Variants in LIMD1 observed in about 807,000 individuals in gnomAD.
LIMD1 encodes the protein LIM domain containing 1, also known as LIM domain-containing protein 1.
LIMD1 carries 23 observed loss-of-function variants against 58.4 expected under a neutral mutation model. The observed-to-expected ratio is 0.39, with a 90% confidence interval of 0.28 to 0.56. The LOEUF is 0.56. Among genes scored for constraint, LIMD1 ranks in the 20% least tolerant of loss-of-function variants. The pLI is 0.57. For missense variants in LIMD1, 838 were observed against 855.5 expected (o/e 0.98, Z 0.25); for synonymous variants, 334 against 345.5 (o/e 0.97, Z 0.37).
At position 45,640,611 on chromosome 3, in the gene LIMD1, G is replaced by A. The variant is rs146094853; in HGVS notation, c.1510+4360G>A. Among the ~76,000 whole-genome samples the A allele has an allele frequency of 8.5e-5, 13 of 152,160 alleles. No homozygotes were observed. The East Asian group carries it at 2.1e-3, about 25-fold the overall frequency. On this transcript the variant is annotated intron_variant, in intron 2 of 7. Coordinates refer to ENST00000273317, the MANE Select transcript of LIMD1 (RefSeq NM_014240.3). ...GGCCCGGCTAATTTTTGTATTTTTC[G>A]TAGAGACAGGGTTTCACCATGTTGG...
chr3:45,620,420 A>G (rs1448088008), intron 1 of LIMD1, among the ~76,000 whole-genome samples: 1 of 152,226 alleles, frequency 6.6e-6, no homozygotes, highest in Non-Finnish European at 1.5e-5. Flanking sequence ...TTCCATTAGT[A>G]AAATGTAGAA....
chr3:45,664,532 A>G (rs569136409), intron 2 of LIMD1, among the ~76,000 whole-genome samples: 48 of 152,354 alleles, frequency 3.2e-4, no homozygotes, highest in African/African-American at 1.1e-3. Context: ...CATTCAGACA[A>G]CACTAGATCT....
intron 2 of LIMD1, among the ~76,000 whole-genome samples, chr3:45,642,705 TG>T (rs1457144522): frequency 2.0e-5 from 3 of 152,248 alleles, no homozygotes; most frequent in Non-Finnish European, 4.4e-5. Context: ...CCACAGTTAA[TG>T]GCTGGTTTGC....
chr3:45,684,547 AGAGG>A lies in LIMD1; in HGVS notation c.*7493_*7496del, dbSNP rs1697785850. 1 of 152,248 alleles carries A rather than the reference AGAGG, an allele frequency of 6.6e-6. No homozygotes were observed. The highest frequency in any genetic ancestry group is 2.4e-5 in the African/African-American group (1 of 41,468). 9.4% of individuals were successfully genotyped at this position (152,248 alleles called of 1,614,324 possible). ...AAAAAAGAGAACAGCTCCCCCATGC[AGAGG>A]GAGGAGGACTCCGAATGGATCTCCC... On this transcript the variant is annotated 3_prime_UTR_variant, in exon 8 of 8. Transcript: ENST00000273317.
intron 1 of LIMD1, among the ~76,000 whole-genome samples, chr3:45,634,522 T>G (rs1701767511): frequency 6.6e-6 from 1 of 152,246 alleles, no homozygotes; most frequent in Admixed American, 6.5e-5. Flanking sequence ...GGCAGTAACA[T>G]GATTGTCATC....
At chr3:45,665,739 C>G (rs1697507246) in intron 3 of LIMD1, 22 bp downstream of exon 3, 6 of 1,610,086 alleles carry the variant, frequency 3.7e-6, no homozygotes, top group Non-Finnish European at 5.1e-6. Context: ...ACCGAAGCCT[C>G]CCCTTGCATG....
chr3:45,617,400 G>A (rs1701586142), intron 1 of LIMD1, among the ~76,000 whole-genome samples: 2 of 152,072 alleles, frequency 1.3e-5, no homozygotes, highest in Admixed American at 1.3e-4. Context: ...GGCCCTGATG[G>A]TTTGCCCTGC....
chr3:45,618,783 C>T (rs781771706), intron 1 of LIMD1, among the ~76,000 whole-genome samples: 8 of 152,068 alleles, frequency 5.3e-5, no homozygotes, highest in Non-Finnish European at 1.2e-4. Flanking sequence ...GTGCTTATAC[C>T]AAAACCCACT....
Position 45,685,282 on chromosome 3 carries a change from G to A in LIMD1, c.*8223G>A, listed in dbSNP as rs1697797273. On this transcript the variant is annotated 3_prime_UTR_variant, in exon 8 of 8. Transcript: ENST00000273317. ...GCCTTTAAAAACCCCAGAAGAATGG[G>A]GTTTCTGCCAGATTATTTTCTGGTT... The A allele has an allele frequency of 6.6e-6, 1 of 152,098 alleles. No individual in the cohort carries two copies. Among genetic ancestry groups the A allele is most frequent in the Non-Finnish European group, 1.5e-5 (1 of 68,028 alleles). 9.4% of individuals were successfully genotyped at this position (152,098 alleles called of 1,614,324 possible). A position where few individuals can be genotyped will look rare whatever the true frequency, so the allele number is the denominator to read the frequency against.
At chr3:45,648,278 A>G (rs1344802730) in intron 2 of LIMD1, among the ~76,000 whole-genome samples, 1 of 152,060 alleles carries the variant, frequency 6.6e-6, no homozygotes, top group Non-Finnish European at 1.5e-5. Context: ...CTAAGCAACC[A>G]CTGATCTTCC....
At chr3:45,660,200 G>T (rs914991149) in intron 2 of LIMD1, among the ~76,000 whole-genome samples, 78 of 152,130 alleles carry the variant, frequency 5.1e-4, no homozygotes, top group Non-Finnish European at 6.5e-4. Context: ...TTTCCTGGTG[G>T]CCTCCTAGCT....
intron 1 of LIMD1, among the ~76,000 whole-genome samples, chr3:45,624,722 C>T (rs1421920030): frequency 1.3e-5 from 2 of 151,552 alleles, no homozygotes; most frequent in Non-Finnish European, 2.9e-5. Flanking sequence ...GACTCCGCCT[C>T]AAAAACAAAA....
intron 2 of LIMD1, among the ~76,000 whole-genome samples, chr3:45,641,027 C>T (rs1701836060): frequency 6.6e-6 from 1 of 152,132 alleles, no homozygotes; most frequent in Admixed American, 6.5e-5. Flanking sequence ...CTGCCCTTTA[C>T]CTCAGTTTTC....
intron 3 of LIMD1, among the ~76,000 whole-genome samples, chr3:45,667,194 A>C (rs186738568): frequency 7.2e-5 from 11 of 152,314 alleles, no homozygotes; most frequent in African/African-American, 2.6e-4. Context: ...CAGACGTCTG[A>C]TGGAGTCTCA....
intron 1 of LIMD1, among the ~76,000 whole-genome samples, chr3:45,607,709 G>A (rs1701481173): frequency 6.6e-6 from 1 of 152,178 alleles, no homozygotes; most frequent in Non-Finnish European, 1.5e-5. Context: ...CTCCAAGTCA[G>A]GGGGTGAGCA....
intron 1 of LIMD1, among the ~76,000 whole-genome samples, chr3:45,597,101 C>T (rs1344864220): frequency 1.3e-5 from 2 of 152,064 alleles, no homozygotes; most frequent in African/African-American, 4.8e-5. Flanking sequence ...ACCTCGTGAT[C>T]CGCCCGCCTT....
chr3:45,656,392 C>T (rs1702027335), intron 2 of LIMD1, among the ~76,000 whole-genome samples: 1 of 150,292 alleles, frequency 6.7e-6, no homozygotes, highest in Non-Finnish European at 1.5e-5. Context: ...CGAATCTCAA[C>T]TTTTCTATTT....
Position 45,673,423 on chromosome 3 carries a change from A to C in LIMD1, c.1773-31A>C, listed in dbSNP as rs753763807. The C allele has an allele frequency of 3.8e-6, 6 of 1,599,534 alleles. No homozygotes were observed. The East Asian group carries it at 1.3e-4, about 36-fold the overall frequency. On this transcript the variant is annotated intron_variant, in intron 5 of 7. Coordinates refer to ENST00000273317, the MANE Select transcript of LIMD1 (RefSeq NM_014240.3). ...ACTCTGGAATTTGCTCCCAGAAGCAACATTTATTGCTGCTTTGTTTCTCCC... is the reference window on the plus strand; with the variant it reads ...ACTCTGGAATTTGCTCCCAGAAGCACCATTTATTGCTGCTTTGTTTCTCCC...
intron 5 of LIMD1, among the ~76,000 whole-genome samples, chr3:45,673,239 AGAGT>A (rs1173011554): frequency 2.0e-5 from 3 of 152,144 alleles, no homozygotes; most frequent in Non-Finnish European, 4.4e-5. Context: ...TGTCCCCAGA[AGAGT>A]GAGAGGCAGC....
Sources: gnomAD v4.1 joint callset for allele counts (sites outside exome capture counted in the v4.1 genomes callset) on GRCh38, gnomAD v4.1.1 for gene constraint, MANE v1.5 for transcripts, NCBI Gene and HGNC (gene_info 2026-07-23, HGNC 2026-07-21) for gene names.